TTC8: variants seen among roughly 807,000 people sequenced by gnomAD.
TTC8 encodes tetratricopeptide repeat protein 8.
Under a neutral mutation model 72.5 loss-of-function variants are expected in TTC8, and 47 were observed. The observed-to-expected ratio is 0.65, with a 90% CI of 0.51 to 0.83. The LOEUF is 0.83. TTC8 is among the 40% of genes least tolerant of loss of function. TTC8 has a pLI of 0.00. For synonymous variants in TTC8, 199 were observed against 221.4 expected (o/e 0.90, Z 0.90); for missense variants, 611 against 623.2 (o/e 0.98, Z 0.21).
chr14:88,859,599 A>G (rs1270983291), intron 9 of TTC8, among the ~76,000 whole-genome samples: 1 of 151,800 alleles, frequency 6.6e-6, no homozygotes, highest in Non-Finnish European at 1.5e-5. Context: ...TCTGTACAAC[A>G]AACTCCCCAT....
downstream of TTC8, chr14:88,880,574 G>A (rs549781012): frequency 6.6e-6 from 1 of 152,268 alleles, no homozygotes; most frequent in Non-Finnish European, 1.5e-5. Context: ...GACCTAAACA[G>A]ATTTTAGGAA....
chr14:88,879,279 T>C (rs1300935231), downstream of TTC8: 1 of 152,200 alleles, frequency 6.6e-6, no homozygotes, highest in African/African-American at 2.4e-5. Context: ...TCCTATGGAC[T>C]GCGTAACTTC....
chr14:88,869,577 C>T (rs2094925049), intron 10 of TTC8, among the ~76,000 whole-genome samples: 1 of 152,124 alleles, frequency 6.6e-6, no homozygotes, highest in Non-Finnish European at 1.5e-5. Flanking sequence ...GCCACTTTCC[C>T]TCTTCCCAGC....
At chr14:88,846,047 G>A (rs1261743664) in intron 7 of TTC8, among the ~76,000 whole-genome samples, 5 of 152,004 alleles carry the variant, frequency 3.3e-5, no homozygotes, top group Non-Finnish European at 7.4e-5. Flanking sequence ...TGGCTCAGTG[G>A]CTGAATCCCA....
chr14:88,831,902 C>T (rs929822388), intron 1 of TTC8, among the ~76,000 whole-genome samples: 1 of 152,124 alleles, frequency 6.6e-6, no homozygotes, highest in Non-Finnish European at 1.5e-5. Flanking sequence ...CTTTTGTTCA[C>T]CTAAGTCATC....
At chr14:88,860,605 C>A (rs1286835468) in intron 9 of TTC8, among the ~76,000 whole-genome samples, 1 of 152,154 alleles carries the variant, frequency 6.6e-6, no homozygotes, top group Non-Finnish European at 1.5e-5. Context: ...TAGACATAAT[C>A]ATACCTGTTC....
intron 7 of TTC8, among the ~76,000 whole-genome samples, chr14:88,849,183 G>T (rs895869108): frequency 2.0e-5 from 3 of 151,956 alleles, no homozygotes; most frequent in African/African-American, 7.3e-5. Flanking sequence ...TACTTTGATG[G>T]GTGCTAGGGG....
At chr14:88,829,027 A>G (rs1459298368) in intron 1 of TTC8, among the ~76,000 whole-genome samples, 2 of 152,330 alleles carry the variant, frequency 1.3e-5, no homozygotes, top group Admixed American at 6.5e-5. Flanking sequence ...TAGATTAAAT[A>G]TAATAATATG....
At chr14:88,859,305 G>A (rs1461210046) in intron 9 of TTC8, among the ~76,000 whole-genome samples, 2 of 152,002 alleles carry the variant, frequency 1.3e-5, no homozygotes, top group Non-Finnish European at 2.9e-5. Context: ...TGAAAATGTG[G>A]TACATATACA....
At chr14:88,858,060 C>T (rs927782607) in intron 9 of TTC8, among the ~76,000 whole-genome samples, 17 of 151,452 alleles carry the variant, frequency 1.1e-4, no homozygotes, top group Admixed American at 7.9e-4. Flanking sequence ...CTCCTAGATT[C>T]GAGTGATTCT....
At position 88,853,050 on chromosome 14, in the gene TTC8, A is replaced by G. The variant is rs1445461942; in HGVS notation, c.704A>G (p.Tyr235Cys). Residue 235 changes from tyrosine (Y) to cysteine (C), a missense_variant, in exon 8 of 15, where the codon TAC becomes TGC. Tyr to Cys is a radical substitution (Grantham distance 194). Transcript: ENST00000380656. ...WWWKVQIGKC[Y>C]YRLGMYREAE... ...TGGAAAGTACAGATTGGAAAATGTT[A>G]CTACAGGTAAATTTCATTATTTGTG... 1 of 1,611,942 alleles carries G rather than the reference A, an allele frequency of 6.2e-7. No individual in the cohort carries two copies. Among genetic ancestry groups the G allele is most frequent in the Admixed American group, 1.7e-5 (1 of 59,952 alleles).
chr14:88,831,690 C>T (rs1235339402), intron 1 of TTC8, among the ~76,000 whole-genome samples: 1 of 152,188 alleles, frequency 6.6e-6, no homozygotes, highest in East Asian at 1.9e-4. Flanking sequence ...TGTATACCTA[C>T]AGATATTTGC....
rs755619295 is a variant in TTC8, at chr14:88,875,107, A to G, written c.1429A>G (p.Lys477Glu). 10 of 1,608,488 alleles carry G rather than the reference A, an allele frequency of 6.2e-6. No individual in the cohort carries two copies. Among genetic ancestry groups the G allele is most frequent in the South Asian group, 3.3e-5 (3 of 90,868 alleles). The stretch of plus-strand genomic sequence containing the variant: ...TTTTAATTTTGCAACAATCTCTGAT[A>G]AGGTATTCTCTTTCTTCATTAATTT... ...PHFNFATISD[K>E]IGDLQRSYVA... Residue 477 changes from lysine (K) to glutamate (E), a missense_variant and splice_region_variant, in exon 14 of 15, where the codon AAG becomes GAG. By Grantham distance (56) the Lys-to-Glu change is moderately conservative. Transcript: ENST00000380656.
At chr14:88,839,309 C>A in intron 2 of TTC8, 143 bp from the exon 3 acceptor site, 1 of 774,950 alleles carries the variant, frequency 1.3e-6, no homozygotes, top group Non-Finnish European at 2.0e-6. Context: ...TTGACATGGC[C>A]CTTTAAATTA....
chr14:88,878,976 A>G (rs1198541533), downstream of TTC8: 1 of 152,234 alleles, frequency 6.6e-6, no homozygotes, highest in African/African-American at 2.4e-5. Context: ...TGTGCTCTTA[A>G]TCACTAGGTC....
chr14:88,862,360 T>G (rs976792138), intron 10 of TTC8, among the ~76,000 whole-genome samples: 2 of 151,024 alleles, frequency 1.3e-5, no homozygotes, highest in Non-Finnish European at 3.0e-5. Context: ...GTTATTTGAG[T>G]TCTATATTCT....
chr14:88,877,242 A>T, intron 14 of TTC8, 52 bp from the exon 15 acceptor site: 1 of 1,342,452 alleles, frequency 7.4e-7, no homozygotes, highest in Non-Finnish European at 1.1e-6. Flanking sequence ...TTACTTCCTT[A>T]CTCATTTTTT....
At chr14:88,847,690 A>C (rs975886368) in intron 7 of TTC8, among the ~76,000 whole-genome samples, 4 of 152,338 alleles carry the variant, frequency 2.6e-5, no homozygotes, top group African/African-American at 9.6e-5. Flanking sequence ...AAACAATCAC[A>C]AAGGAAAAAG....
Position 88,861,205 on chromosome 14 carries a change from AT to A in TTC8, c.799-16del. 6.5e-7 allele frequency: 1 copy of A among 1,529,702 alleles called. No homozygotes were observed. Among genetic ancestry groups the A allele is most frequent in the East Asian group, 2.3e-5 (1 of 44,152 alleles). The allele number at this position is 1,529,702 out of a possible 1,614,324, so 94.8% of individuals were successfully genotyped here. ...TTTAAGAACCTATACTTTTATTGAA[AT>A]GTATCTTGTTTTTAGGTTTATGTCT... is the stretch of plus-strand genomic sequence containing the variant. On this transcript the variant is annotated splice_polypyrimidine_tract_variant and intron_variant, in intron 9 of 14. Coordinates refer to ENST00000380656, the MANE Select transcript of TTC8 (RefSeq NM_144596.4).
Sources: allele counts gnomAD v4.1 joint callset (sites outside exome capture counted in the v4.1 genomes callset), GRCh38; gene constraint gnomAD v4.1.1; transcripts MANE v1.5; gene names NCBI Gene and HGNC (gene_info 2026-07-23, HGNC 2026-07-21).